SNX1: variants seen among roughly 807,000 people sequenced by gnomAD.
SNX1 encodes sorting nexin-1.
SNX1 carries 36 observed loss-of-function variants against 71.8 expected under a neutral mutation model. The ratio of observed to expected loss-of-function variants is 0.50; its 90% confidence interval spans 0.38 to 0.66. SNX1 has a LOEUF of 0.66. SNX1 is among the 30% of genes least tolerant of loss of function. The pLI is 0.00. For synonymous variants in SNX1, 254 were observed against 240.7 expected (o/e 1.06, Z -0.51); for missense variants, 612 against 646.7 (o/e 0.95, Z 0.58).
chr15:64,142,272 G>A lies in SNX1; in HGVS notation c.*4654G>A. 5.1e-6 allele frequency: 1 copy of A among 194,910 alleles called. No individual in the cohort carries two copies. The highest frequency in any genetic ancestry group is 1.1e-5 in the Non-Finnish European group (1 of 94,180). 12.1% of individuals were successfully genotyped at this position (194,910 alleles called of 1,614,324 possible). The stretch of plus-strand genomic sequence containing the variant: ...GAGCCCAGGAGGTTGAGGTTGCAGT[G>A]AGCTACAGTTGCGCCACTGCACTCC... On this transcript the variant is annotated 3_prime_UTR_variant, in exon 15 of 15. Coordinates refer to ENST00000559844, the MANE Select transcript of SNX1 (RefSeq NM_003099.5).
chr15:64,104,246 A>T (rs1249853193), intron 1 of SNX1, among the ~76,000 whole-genome samples: 1 of 150,508 alleles, frequency 6.6e-6, no homozygotes, highest in African/African-American at 2.4e-5. Flanking sequence ...AAAAGTAATT[A>T]TAGAACACCA....
chr15:64,111,921 A>G (rs1295419268), intron 1 of SNX1, among the ~76,000 whole-genome samples: 3 of 152,232 alleles, frequency 2.0e-5, no homozygotes, highest in Non-Finnish European at 2.9e-5. Context: ...TGAGCTTTGA[A>G]TAAAGGCTAT....
chr15:64,099,791 A>C (rs967946767), intron 1 of SNX1, among the ~76,000 whole-genome samples: 1 of 152,238 alleles, frequency 6.6e-6, no homozygotes, highest in African/African-American at 2.4e-5. Context: ...AGCTCACTGC[A>C]GCCCCTGCCT....
intron 1 of SNX1, among the ~76,000 whole-genome samples, chr15:64,097,701 T>C (rs1217103197): frequency 6.6e-6 from 1 of 152,246 alleles, no homozygotes; most frequent in Non-Finnish European, 1.5e-5. Context: ...GAATATTTAC[T>C]CATACCACTT....
intron 11 of SNX1, chr15:64,132,338 A>G (rs1303920933): frequency 1.0e-5 from 2 of 195,692 alleles, no homozygotes; most frequent in Admixed American, 5.4e-5. Context: ...TTGTCCTTCC[A>G]GTATGGGCAG....
At chr15:64,104,113 A>G (rs1171133475) in intron 1 of SNX1, among the ~76,000 whole-genome samples, 2 of 152,200 alleles carry the variant, frequency 1.3e-5, no homozygotes, top group Non-Finnish European at 2.9e-5. Context: ...CTCAGCTCAA[A>G]TAGTAAAGTT....
rs1390333422 is a variant in SNX1 at position 64,141,749 on chromosome 15, C to T, written c.*4131C>T. The stretch of plus-strand genomic sequence containing the variant: ...ATTGTCGCTTCGTGATCTGGACACA[C>T]CAGAAGGCGTGAGACTGGAGGCAGG... On this transcript the variant is annotated 3_prime_UTR_variant, in exon 15 of 15. Transcript: ENST00000559844. The surrounding 1 kb of genome is among the most constrained non-coding windows in gnomAD (Gnocchi z 5.1). 1 of 152,360 alleles carries T rather than the reference C, an allele frequency of 6.6e-6. No homozygotes were observed. The highest frequency in any genetic ancestry group is 1.9e-4 in the East Asian group (1 of 5,198). 9.4% of individuals were successfully genotyped at this position (152,360 alleles called of 1,614,324 possible). A position where few individuals can be genotyped will look rare whatever the true frequency, so the allele number is the denominator to read the frequency against.
Position 64,137,749 on chromosome 15 carries a change from C to T in SNX1, c.*131C>T. 1 of 1,502,456 alleles carries T rather than the reference C, an allele frequency of 6.7e-7. No homozygotes were observed. The highest frequency in any genetic ancestry group is 8.9e-7 in the Non-Finnish European group (1 of 1,121,090). The allele number at this position is 1,502,456 out of a possible 1,614,324, so 93.1% of individuals were successfully genotyped here. ...AACCCCTTCCTCCCTGTCCCCACGA[C>T]CAACTGTCCCCAGTTACTCTAACCG... is the stretch of plus-strand genomic sequence containing the variant. On this transcript the variant is annotated 3_prime_UTR_variant, in exon 15 of 15. Transcript: ENST00000559844.
intron 1 of SNX1, among the ~76,000 whole-genome samples, chr15:64,103,339 C>G (rs923340787): frequency 2.6e-5 from 4 of 152,134 alleles, no homozygotes; most frequent in African/African-American, 9.7e-5. Context: ...GAGTGTTCCC[C>G]TTTCTCCATA....
At chr15:64,107,920 G>A (rs1227937068) in intron 1 of SNX1, among the ~76,000 whole-genome samples, 8 of 152,104 alleles carry the variant, frequency 5.3e-5, no homozygotes, top group South Asian at 2.1e-4. Flanking sequence ...TTGGCCGGGC[G>A]CAGTGGCTCA....
intron 1 of SNX1, among the ~76,000 whole-genome samples, chr15:64,107,356 G>A (rs1341442850): frequency 6.6e-6 from 1 of 152,182 alleles, no homozygotes; most frequent in Non-Finnish European, 1.5e-5. Flanking sequence ...AGCAACATGA[G>A]GAAGAATCAC....
At position 64,140,150 on chromosome 15, in the gene SNX1, G is replaced by A. The variant is rs1280863924; in HGVS notation, c.*2532G>A. The A allele has an allele frequency of 6.6e-6, 1 of 152,298 alleles. No homozygotes were observed. The highest frequency in any genetic ancestry group is 1.5e-5 in the Non-Finnish European group (1 of 68,054). 9.4% of individuals were successfully genotyped at this position (152,298 alleles called of 1,614,324 possible). A position where few individuals can be genotyped will look rare whatever the true frequency, so the allele number is the denominator to read the frequency against. On this transcript the variant is annotated 3_prime_UTR_variant, in exon 15 of 15. Transcript: ENST00000559844. Reference sequence around the variant, plus strand: ...TAAGTATTTTGTTCCTCATTCACCAGTTATATAGTATCAGTTGATTAGTCT... The same window carrying A: ...TAAGTATTTTGTTCCTCATTCACCAATTATATAGTATCAGTTGATTAGTCT...
chr15:64,110,438 C>T (rs186941866), intron 1 of SNX1, among the ~76,000 whole-genome samples: 1 of 152,254 alleles, frequency 6.6e-6, no homozygotes, highest in Non-Finnish European at 1.5e-5. Flanking sequence ...GCTCTGTCAC[C>T]CAGGCTGGAG....
At chr15:64,113,655 A>C (rs2081100049) in intron 2 of SNX1, among the ~76,000 whole-genome samples, 1 of 152,226 alleles carries the variant, frequency 6.6e-6, no homozygotes, top group Admixed American at 6.5e-5. Flanking sequence ...CCCCATCTCT[A>C]CTAAAAATAT....
chr15:64,115,390 G>A (rs754725313), intron 2 of SNX1, among the ~76,000 whole-genome samples: 1 of 152,008 alleles, frequency 6.6e-6, no homozygotes, highest in Non-Finnish European at 1.5e-5. Flanking sequence ...AAACTTAAAC[G>A]TTCTGATATC....
rs888508906 is a variant in SNX1 at position 64,134,601 on chromosome 15, G to A, written c.1222-63G>A. On this transcript the variant is annotated intron_variant, in intron 11 of 14. Coordinates refer to ENST00000559844, the MANE Select transcript of SNX1 (RefSeq NM_003099.5). This position sits in a 1 kb window ranked among gnomAD's most constrained non-coding sequence, Gnocchi z 4.1. ...TGCAGCTGCTGGGAGAGCCTGCCTC[G>A]AGGCAGAGCCAGCAGAGCTCTTGAA... The A allele has an allele frequency of 2.6e-6, 4 of 1,548,000 alleles. No homozygotes were observed. Among genetic ancestry groups the A allele is most frequent in the Admixed American group, 1.8e-5 (1 of 54,336 alleles).
At chr15:64,118,469 G>T (rs1448045969) in intron 3 of SNX1, among the ~76,000 whole-genome samples, 1 of 152,230 alleles carries the variant, frequency 6.6e-6, no homozygotes, top group Non-Finnish European at 1.5e-5. Context: ...GATACTTAGT[G>T]TGCGAAGCTT....
Position 64,129,931 on chromosome 15 carries a change from G to C in SNX1, c.823G>C (p.Gly275Arg). ...GGTCTTGTAGCTGCCACGTGCCGTG[G>C]GTACCCAGACATTGAGTGGTGCTGG... ...LEKEELPRAV[G>R]TQTLSGAGLL... The change falls in exon 9 of 15, where the codon GGT (glycine) becomes CGT (arginine). Residue 275 changes from glycine to arginine, a missense_variant. Transcript: ENST00000559844. The surrounding 1 kb of genome is among the most constrained non-coding windows in gnomAD (Gnocchi z 4.4). 1 of 1,613,978 alleles carries C rather than the reference G, an allele frequency of 6.2e-7. No homozygotes were observed. The highest frequency in any genetic ancestry group is 8.5e-7 in the Non-Finnish European group (1 of 1,179,904).
At chr15:64,116,102 A>G (rs1301296651) in intron 2 of SNX1, among the ~76,000 whole-genome samples, 2 of 152,242 alleles carry the variant, frequency 1.3e-5, no homozygotes, top group African/African-American at 4.8e-5. Flanking sequence ...TAAGATAATC[A>G]ATTAACATGT....
Sources: allele counts gnomAD v4.1 joint callset (sites outside exome capture counted in the v4.1 genomes callset), GRCh38; gene constraint gnomAD v4.1.1; non-coding constraint Gnocchi (gnomAD v3.1); transcripts MANE v1.5; gene names NCBI Gene and HGNC (gene_info 2026-07-23, HGNC 2026-07-21).